Variants in HOMER1 observed in about 807,000 individuals in gnomAD.
HOMER1 encodes the protein homer protein homolog 1.
HOMER1 carries 3 observed loss-of-function variants against 48.9 expected under a neutral mutation model. The ratio of observed to expected loss-of-function variants is 0.06; its 90% CI spans 0.03 to 0.16. HOMER1 has a LOEUF of 0.16. HOMER1 is among the 10% of genes least tolerant of loss of function. The pLI is 1.00. For synonymous variants in HOMER1, 134 were observed against 146.4 expected, an observed-to-expected ratio of 0.92 and a Z score of 0.61; for missense variants, 247 against 411.4, an observed-to-expected ratio of 0.60 and a Z score of 3.46.
chr5:79,460,513 A>G (rs757644246), intron 1 of HOMER1, among the ~76,000 whole-genome samples: 5 of 152,182 alleles, frequency 3.3e-5, no homozygotes, highest in Admixed American at 1.3e-4. Flanking sequence ...GAACCTTACT[A>G]AAGAATCGCA....
At chr5:79,429,972 G>T (rs1195135492) in intron 5 of HOMER1, among the ~76,000 whole-genome samples, 2 of 150,820 alleles carry the variant, frequency 1.3e-5, no homozygotes, top group African/African-American at 4.9e-5. Context: ...GCAGTGAGCC[G>T]AGATTGAGCC....
chr5:79,428,365 T>C (rs1750327702), intron 5 of HOMER1, among the ~76,000 whole-genome samples: 2 of 152,164 alleles, frequency 1.3e-5, no homozygotes, highest in African/African-American at 4.8e-5. Context: ...CTCAACGCTT[T>C]CCTTCTATCA....
chr5:79,425,036 C>G (rs983184199), intron 5 of HOMER1, among the ~76,000 whole-genome samples: 1 of 152,054 alleles, frequency 6.6e-6, no homozygotes, highest in Non-Finnish European at 1.5e-5. Context: ...CTTCTTTTGA[C>G]TCTTCCATGT....
chr5:79,468,716 A>G (rs546377993), intron 1 of HOMER1, among the ~76,000 whole-genome samples: 2 of 152,342 alleles, frequency 1.3e-5, no homozygotes, highest in African/African-American at 4.8e-5. Context: ...CACAAGAGAT[A>G]CACTAGAAGC....
chr5:79,378,128 G>C (rs1256717715), intron 8 of HOMER1, among the ~76,000 whole-genome samples: 3 of 148,566 alleles, frequency 2.0e-5, no homozygotes, highest in African/African-American at 7.5e-5. Context: ...ACTGAGGCAG[G>C]AGAATGACTT....
intron 5 of HOMER1, among the ~76,000 whole-genome samples, chr5:79,424,023 C>T (rs1329787715): frequency 2.6e-5 from 4 of 152,044 alleles, no homozygotes; most frequent in Non-Finnish European, 5.9e-5. Flanking sequence ...GTTCAGAACA[C>T]ATTCTATAAA....
intron 1 of HOMER1, among the ~76,000 whole-genome samples, chr5:79,488,123 C>T (rs1414114305): frequency 2.0e-5 from 3 of 152,174 alleles, no homozygotes; most frequent in Non-Finnish European, 2.9e-5. Flanking sequence ...TGTAAAACTC[C>T]AGCAGGAATG....
At chr5:79,464,777 CATG>C (rs1751409463) in intron 1 of HOMER1, among the ~76,000 whole-genome samples, 1 of 152,110 alleles carries the variant, frequency 6.6e-6, no homozygotes, top group Non-Finnish European at 1.5e-5. Context: ...GTCCCTATGC[CATG>C]ATATGTGTAA....
In HOMER1 at chr5:79,494,615, T is replaced by G. The variant is rs571489174; in HGVS notation, c.5+18155A>C. ...TGGGTGCGGTGGCTCATGCCTGTAATCCCAACACTTTGGGAGGCCAAGGCG... is the reference window on the plus strand; with the variant it reads ...TGGGTGCGGTGGCTCATGCCTGTAAGCCCAACACTTTGGGAGGCCAAGGCG... On this transcript the variant is annotated intron_variant, in intron 1 of 8. Transcript: ENST00000334082. Among the ~76,000 whole-genome samples the G allele has an allele frequency of 2.0e-5, 3 of 152,342 alleles. No individual in the cohort carries two copies. The South Asian group carries it at 6.2e-4, about 32-fold the overall frequency.
chr5:79,417,843 C>A (rs577980241), intron 5 of HOMER1, among the ~76,000 whole-genome samples: 1 of 152,060 alleles, frequency 6.6e-6, no homozygotes, highest in Admixed American at 6.6e-5. Context: ...ATAATTTAAA[C>A]GATAAAAATC....
intron 1 of HOMER1, among the ~76,000 whole-genome samples, chr5:79,485,825 T>C (rs1297658270): frequency 1.3e-5 from 2 of 152,188 alleles, no homozygotes; most frequent in East Asian, 1.9e-4. Context: ...TCCCCAAAGA[T>C]GGCTGCAACA....
rs1753001973 is a variant in HOMER1 at position 79,513,521 on chromosome 5, G to C, written c.-747C>G. 1 of 152,568 alleles carries C rather than the reference G, an allele frequency of 6.6e-6. No homozygotes were observed. The highest frequency in any genetic ancestry group is 1.5e-5 in the Non-Finnish European group (1 of 68,376). 9.5% of individuals were successfully genotyped at this position (152,568 alleles called of 1,614,324 possible). A position where few individuals can be genotyped will look rare whatever the true frequency, so the allele number is the denominator to read the frequency against. On this transcript the variant is annotated 5_prime_UTR_variant, in exon 1 of 9. Coordinates refer to ENST00000334082, the MANE Select transcript of HOMER1 (RefSeq NM_004272.5). Reference sequence around the variant, plus strand: ...CCATTTCCAGGCTGGCAGCAGGCTGGGGGCGCAGCGCACGCCGGAGAGCTG... The same window carrying C: ...CCATTTCCAGGCTGGCAGCAGGCTGCGGGCGCAGCGCACGCCGGAGAGCTG...
intron 1 of HOMER1, chr5:79,510,942 C>G (rs551409314): frequency 1.7e-5 from 9 of 538,440 alleles, no homozygotes; most frequent in Non-Finnish European, 3.0e-5. Flanking sequence ...TGCGACCCCC[C>G]GCCAGGCTGC....
chr5:79,488,015 T>C (rs1340254502), intron 1 of HOMER1, among the ~76,000 whole-genome samples: 2 of 152,230 alleles, frequency 1.3e-5, no homozygotes, highest in Non-Finnish European at 2.9e-5. Context: ...CCTTAGGTTT[T>C]TGTATACTTA....
intron 8 of HOMER1, among the ~76,000 whole-genome samples, chr5:79,383,386 C>CTTT (rs200444325): frequency 2.9e-5 from 4 of 139,890 alleles, no homozygotes; most frequent in African/African-American, 2.6e-5. Flanking sequence ...TACAGAACAT[C>CTTT]TTTTTTTTTT....
rs1451028359 is a variant in HOMER1, at chr5:79,373,307, T to C, written c.*2702A>G. On this transcript the variant is annotated 3_prime_UTR_variant, in exon 9 of 9. Transcript: ENST00000334082. ...AAAACTGTATTTTTGCTTTTCTTTT[T>C]TTTTTTCAATTTTTGTTTTTGTACA... is the stretch of plus-strand genomic sequence containing the variant. 2.0e-5 allele frequency: 3 copies of C among 152,040 alleles called. No homozygotes were observed. The East Asian group carries it at 5.8e-4, about 29-fold the overall frequency. 9.4% of individuals were successfully genotyped at this position (152,040 alleles called of 1,614,324 possible).
intron 5 of HOMER1, among the ~76,000 whole-genome samples, chr5:79,402,459 G>A (rs1749557490): frequency 6.6e-6 from 1 of 152,176 alleles, no homozygotes; most frequent in African/African-American, 2.4e-5. Context: ...GTGAGCCACT[G>A]TGACCAGCCC....
At chr5:79,502,688 G>A (rs935339960) in intron 1 of HOMER1, among the ~76,000 whole-genome samples, 9 of 152,150 alleles carry the variant, frequency 5.9e-5, no homozygotes, top group African/African-American at 2.2e-4. Context: ...AGCCTATAAT[G>A]TAACAACCTA....
intron 6 of HOMER1, among the ~76,000 whole-genome samples, chr5:79,399,938 A>C (rs1364629097): frequency 6.6e-6 from 1 of 152,182 alleles, no homozygotes; most frequent in African/African-American, 2.4e-5. Flanking sequence ...GAAACTGAAA[A>C]TATGTGAGTA....
Sources: allele counts gnomAD v4.1 joint callset (sites outside exome capture counted in the v4.1 genomes callset), GRCh38; gene constraint gnomAD v4.1.1; transcripts MANE v1.5; gene names NCBI Gene and HGNC (gene_info 2026-07-23, HGNC 2026-07-21).